Variants in TSNAX observed in about 807,000 individuals in gnomAD.
TSNAX encodes translin associated factor X, also known as translin-associated protein X.
Under a neutral mutation model 33.0 loss-of-function variants are expected in TSNAX, and 12 were observed. That is an observed-to-expected ratio of 0.36 (90% CI 0.23 to 0.59). The LOEUF (loss-of-function observed/expected upper bound fraction) is 0.59, where lower values mean the gene tolerates loss of function less well. TSNAX is among the 20% of genes least tolerant of loss of function. The pLI, the probability that TSNAX is intolerant of heterozygous loss-of-function variation, is 0.74. For synonymous variants in TSNAX, 110 were observed against 117.2 expected, an observed-to-expected ratio of 0.94 and a Z score of 0.40; for missense variants, 267 against 341.3, an observed-to-expected ratio of 0.78 and a Z score of 1.72.
Position 231,542,570 on chromosome 1 carries a change from CAG to C in TSNAX, c.327_328del (p.Glu111ArgfsTer33), listed in dbSNP as rs1464960039. The C allele has an allele frequency of 1.2e-6, 2 of 1,613,964 alleles. No individual in the cohort carries two copies. The highest frequency in any genetic ancestry group is 2.7e-5 in the African/African-American group (2 of 75,014). Reference sequence around the variant, plus strand: ...ATATTCCAGGTAGCCCAAGAGCTATCAGGGGAAGATATGCATCAGTTCCATCG... The same window carrying C: ...ATATTCCAGGTAGCCCAAGAGCTATCGGGAAGATATGCATCAGTTCCATCG... On this transcript the variant is annotated frameshift_variant, in exon 4 of 6. Coordinates refer to ENST00000366639, the MANE Select transcript of TSNAX (RefSeq NM_005999.3). LOFTEE classifies it high-confidence loss of function.
chr1:231,541,461 T>C (rs1572113790), intron 3 of TSNAX, among the ~76,000 whole-genome samples: 1 of 152,232 alleles, frequency 6.6e-6, no homozygotes, highest in Middle Eastern at 3.2e-3. Context: ...AAAAATCTTA[T>C]ACTTCCTTTT....
At chr1:231,547,879 C>T (rs142935368) in intron 4 of TSNAX, among the ~76,000 whole-genome samples, 1,350 of 126,120 alleles carry the variant, frequency 0.011, 27 homozygotes, top group African/African-American at 0.039. Flanking sequence ...CTCACTTTGT[C>T]GCCCAGGCTG....
chr1:231,566,098 G>A lies in TSNAX; in HGVS notation c.*1193G>A, dbSNP rs996888939. On this transcript the variant is annotated 3_prime_UTR_variant, in exon 6 of 6. Coordinates refer to ENST00000366639, the MANE Select transcript of TSNAX (RefSeq NM_005999.3). ...ATTAAAATTAAATAATTTAAATCTA[G>A]CATTTAAATTTAAATAATTTAAGTC... 1 of 152,216 alleles carries A rather than the reference G, an allele frequency of 6.6e-6. No homozygotes were observed. The highest frequency in any genetic ancestry group is 2.4e-5 in the African/African-American group (1 of 41,354). The allele number at this position is 152,216 out of a possible 1,614,324, so 9.4% of individuals were successfully genotyped here.
intron 4 of TSNAX, among the ~76,000 whole-genome samples, chr1:231,547,927 G>A (rs989083950): frequency 3.6e-5 from 5 of 140,138 alleles, no homozygotes; most frequent in Non-Finnish European, 6.0e-5. Context: ...TGCAAGCTCC[G>A]CCTCCCAGGT....
Position 231,540,289 on chromosome 1 carries a change from A to G in TSNAX, c.237-2192A>G, listed in dbSNP as rs180884165. 1.5e-3 allele frequency among the ~76,000 whole-genome samples: 227 copies of G among 152,272 alleles called. 2 individuals carry two copies. The highest frequency in any genetic ancestry group is 0.014 in the South Asian group (69 of 4,820). ...TTTAACTACAAAATTATTTTAATAG[A>G]CATAGATAACTCTTCTTCAGTGAGC... On this transcript the variant is annotated intron_variant, in intron 3 of 5. Transcript: ENST00000366639.
At position 231,564,632 on chromosome 1, in the gene TSNAX, G is replaced by A; in HGVS notation, c.600G>A (p.Arg200=). The change falls in exon 6 of 6, where the codon CGG becomes CGA. Residue 200 remains arginine, a synonymous_variant. Coordinates refer to ENST00000366639, the MANE Select transcript of TSNAX (RefSeq NM_005999.3). ...CTGACTTAACTGGAGAATTGATGCG[G>A]ATGTGTATTAACAGTGTGGGGAATG... The part of the protein sequence containing the change: ...GVADLTGELM[R]MCINSVGNGD... The A allele has an allele frequency of 6.2e-7, 1 of 1,614,116 alleles. No individual in the cohort carries two copies. Among genetic ancestry groups the A allele is most frequent in the Non-Finnish European group, 8.5e-7 (1 of 1,180,018 alleles).
chr1:231,550,726 A>C (rs1660243967), intron 4 of TSNAX, among the ~76,000 whole-genome samples: 1 of 151,474 alleles, frequency 6.6e-6, no homozygotes, highest in East Asian at 1.9e-4. Flanking sequence ...GTTGGAGGAG[A>C]GAGTATGATG....
intron 2 of TSNAX, chr1:231,536,321 G>A (rs1266668023): frequency 6.6e-6 from 1 of 151,806 alleles, no homozygotes; most frequent in African/African-American, 2.4e-5. Flanking sequence ...ATTACTACAT[G>A]GTAAAACAGT....
chr1:231,541,912 A>G (rs146257438), intron 3 of TSNAX, among the ~76,000 whole-genome samples: 2,340 of 152,232 alleles, frequency 0.015, 66 homozygotes, highest in African/African-American at 0.053. Flanking sequence ...CTTTCTCCTC[A>G]TTGTTACTCT....
rs1553265102 is a variant in TSNAX, at chr1:231,532,159, C to CACACACACACACACACACAT, written c.121+2819_121+2820insTACACACACACACACACACA. On this transcript the variant is annotated intron_variant, in intron 2 of 5. Transcript: ENST00000366639. ...ACACACACACACACACACACACACA[C>CACACACACACACACACACAT]ACACACACACACACACACACACACA... is the stretch of plus-strand genomic sequence containing the variant. 9.9e-4 allele frequency among the ~76,000 whole-genome samples: 88 copies of CACACACACACACACACACAT among 89,338 alleles called. 2 individuals are homozygous for CACACACACACACACACACAT. Among genetic ancestry groups the CACACACACACACACACACAT allele is most frequent in the African/African-American group, 3.3e-3 (86 of 26,006 alleles). The allele number at this position is 89,338 out of a possible 152,430, so 58.6% of individuals were successfully genotyped here. A position where few individuals can be genotyped will look rare whatever the true frequency, so the allele number is the denominator to read the frequency against.
rs57525507 is a variant in TSNAX at position 231,552,307 on chromosome 1, CA to C, written c.368-8814del. 1.5e-3 allele frequency among the ~76,000 whole-genome samples: 221 copies of C among 152,002 alleles called. 1 individual carries two copies. Among genetic ancestry groups the C allele is most frequent in the African/African-American group, 5.1e-3 (212 of 41,484 alleles). On this transcript the variant is annotated intron_variant, in intron 4 of 5. Transcript: ENST00000366639. ...GTCTCAGAAAAAAAACCAAAACAAA[CA>C]AAAAAACCCTACTCAGACAAAATCC...
intron 4 of TSNAX, among the ~76,000 whole-genome samples, chr1:231,555,617 C>T (rs987616787): frequency 2.0e-5 from 3 of 152,222 alleles, no homozygotes; most frequent in Admixed American, 1.3e-4. Context: ...AATGAAACTG[C>T]TAATTTTTAA....
At chr1:231,551,007 A>T (rs1660261430) in intron 4 of TSNAX, among the ~76,000 whole-genome samples, 1 of 152,240 alleles carries the variant, frequency 6.6e-6, no homozygotes, top group African/African-American at 2.4e-5. Context: ...GTTATATTTT[A>T]TATCACTTGG....
At chr1:231,563,551 G>C (rs1257884788) in intron 5 of TSNAX, 1 of 154,924 alleles carries the variant, frequency 6.5e-6, no homozygotes, top group Non-Finnish European at 1.5e-5. Context: ...GGTGGGAGGA[G>C]ATGGGTCAAG....
intron 2 of TSNAX, among the ~76,000 whole-genome samples, chr1:231,531,370 T>C (rs902975048): frequency 6.6e-6 from 1 of 152,246 alleles, no homozygotes; most frequent in African/African-American, 2.4e-5. Context: ...ATTGAGTATC[T>C]GCTATGTTCT....
intron 4 of TSNAX, among the ~76,000 whole-genome samples, chr1:231,545,470 T>C (rs546442088): frequency 6.6e-6 from 1 of 152,304 alleles, no homozygotes; most frequent in East Asian, 1.9e-4. Flanking sequence ...GATTACAGAT[T>C]GTCCCAAGGG....
intron 3 of TSNAX, among the ~76,000 whole-genome samples, chr1:231,540,649 T>C (rs558090370): frequency 1.3e-5 from 2 of 152,224 alleles, no homozygotes; most frequent in Non-Finnish European, 2.9e-5. Context: ...TCAGATTGGC[T>C]GATAGTGGTG....
rs137880300 is a variant in TSNAX at position 231,557,609 on chromosome 1, T to C, written c.368-3519T>C. 5.6e-4 allele frequency among the ~76,000 whole-genome samples: 85 copies of C among 152,234 alleles called. No individual in the cohort carries two copies. In the East Asian group the frequency reaches 0.016, roughly 28 times the overall value. On this transcript the variant is annotated intron_variant, in intron 4 of 5. Coordinates refer to ENST00000366639, the MANE Select transcript of TSNAX (RefSeq NM_005999.3). ...ATGGAGCAATAGTTGAGAGGAAATA[T>C]AGGGTTCATGGATAGGACAGATCTG...
rs372521169 is a variant in TSNAX, at chr1:231,541,357, T to C, written c.237-1124T>C. Reference sequence around the variant, plus strand: ...TGCATGATTTTTTGGTAACAGTTACTTTGCCAGTGAAGGTCACAGTTTTGA... The same window carrying C: ...TGCATGATTTTTTGGTAACAGTTACCTTGCCAGTGAAGGTCACAGTTTTGA... On this transcript the variant is annotated intron_variant, in intron 3 of 5. Coordinates refer to ENST00000366639, the MANE Select transcript of TSNAX (RefSeq NM_005999.3). Among the ~76,000 whole-genome samples, 46 of 152,352 alleles carry C rather than the reference T, an allele frequency of 3.0e-4. No individual in the cohort carries two copies. In the South Asian group the frequency reaches 8.9e-3, roughly 29 times the overall value.
Sources: gnomAD v4.1 joint callset for allele counts (sites outside exome capture counted in the v4.1 genomes callset) on GRCh38, gnomAD v4.1.1 for gene constraint, MANE v1.5 for transcripts, NCBI Gene and HGNC (gene_info 2026-07-23, HGNC 2026-07-21) for gene names.